Variants in DYNC2H1 observed in about 807,000 individuals in gnomAD.
DYNC2H1 encodes dynein cytoplasmic 2 heavy chain 1, also known as cytoplasmic dynein 2 heavy chain 1.
A neutral mutation model predicts 570.0 loss-of-function variants in DYNC2H1; 410 were observed. The observed-to-expected ratio is 0.72, with a 90% CI of 0.66 to 0.78. DYNC2H1 has a LOEUF of 0.78. DYNC2H1 is among the 30% of genes least tolerant of loss of function. The pLI, the probability that DYNC2H1 is intolerant of heterozygous loss-of-function variation, is 0.00. For missense variants in DYNC2H1, 4,865 were observed against 5,046.4 expected, an observed-to-expected ratio of 0.96 and a Z score of 1.09; for synonymous variants, 1,688 against 1,677.6, an observed-to-expected ratio of 1.01 and a Z score of -0.15.
At chr11:103,383,535 G>A (rs1162782015) in intron 83 of DYNC2H1, among the ~76,000 whole-genome samples, 4 of 151,190 alleles carry the variant, frequency 2.6e-5, no homozygotes, top group African/African-American at 4.9e-5. Flanking sequence ...GTGCAGTGGC[G>A]CAATCTTGGC....
intron 70 of DYNC2H1, among the ~76,000 whole-genome samples, chr11:103,266,098 G>T (rs11225637): frequency 6.8e-6 from 1 of 147,932 alleles, no homozygotes; most frequent in African/African-American, 2.6e-5. Flanking sequence ...GGGGCAAGGC[G>T]CTCTGTGACC....
chr11:103,356,025 T>C lies in DYNC2H1; in HGVS notation c.12040-2218T>C, dbSNP rs562409243. Reference sequence around the variant, plus strand: ...GTGCCTGGCTCCTTTGCAATTCTTATAGATCTCCCAAAGCATGCCAGTAGC... The same window carrying C: ...GTGCCTGGCTCCTTTGCAATTCTTACAGATCTCCCAAAGCATGCCAGTAGC... On this transcript the variant is annotated intron_variant, in intron 82 of 88. Coordinates refer to ENST00000375735, the MANE Select transcript of DYNC2H1 (RefSeq NM_001377.3). 5.9e-5 allele frequency among the ~76,000 whole-genome samples: 9 copies of C among 152,270 alleles called. No individual in the cohort carries two copies. The East Asian group carries it at 1.4e-3, about 23-fold the overall frequency.
In DYNC2H1 at chr11:103,289,386, C is replaced by T. The variant is rs1298855659; in HGVS notation, c.11095+1781C>T. Among the ~76,000 whole-genome samples, 1 of 152,174 alleles carries T rather than the reference C, an allele frequency of 6.6e-6. No homozygotes were observed. The highest frequency in any genetic ancestry group is 1.5e-5 in the Non-Finnish European group (1 of 68,042). ...TCCCAAGGATAGTTCAGCCTACATG[C>T]AGGAATGAACAAGGTCAGCTTAAAG... is the stretch of plus-strand genomic sequence containing the variant. On this transcript the variant is annotated intron_variant, in intron 75 of 88. Transcript: ENST00000375735. The surrounding 1 kb of genome is among the most constrained non-coding windows in gnomAD (Gnocchi z 4.2).
chr11:103,272,797 A>G (rs750817399), intron 70 of DYNC2H1, among the ~76,000 whole-genome samples: 9 of 152,048 alleles, frequency 5.9e-5, no homozygotes, highest in Non-Finnish European at 1.3e-4. Flanking sequence ...GATTTAATGT[A>G]TGGGAGGTGT....
intron 84 of DYNC2H1, among the ~76,000 whole-genome samples, chr11:103,419,323 C>A (rs1943400174): frequency 6.6e-6 from 1 of 152,186 alleles, no homozygotes; most frequent in Non-Finnish European, 1.5e-5. Flanking sequence ...GATCCCATTC[C>A]TCCTGACTGG....
intron 76 of DYNC2H1, 151 bp from the exon 77 acceptor site, chr11:103,304,444 A>T: frequency 1.2e-6 from 1 of 864,116 alleles, no homozygotes; most frequent in South Asian, 2.9e-5. Context: ...ATGAAGATTA[A>T]TTTCTGGTAT....
intron 18 of DYNC2H1, among the ~76,000 whole-genome samples, chr11:103,144,100 T>A (rs979281048): frequency 6.6e-6 from 1 of 152,206 alleles, no homozygotes; most frequent in Non-Finnish European, 1.5e-5. Flanking sequence ...AATTGCTTAT[T>A]CTCTGGTAGT....
intron 83 of DYNC2H1, among the ~76,000 whole-genome samples, chr11:103,390,758 GT>G (rs1280744327): frequency 1.3e-5 from 2 of 152,266 alleles, no homozygotes; most frequent in East Asian, 3.9e-4. Flanking sequence ...CACTTAGGAA[GT>G]TTAGTTTGGC....
At chr11:103,378,267 A>T (rs368227596) in intron 83 of DYNC2H1, among the ~76,000 whole-genome samples, 25 of 152,304 alleles carry the variant, frequency 1.6e-4, no homozygotes, top group African/African-American at 5.8e-4. Flanking sequence ...TTATTTGTTA[A>T]TGTCATGCTA....
chr11:103,446,478 C>T lies in DYNC2H1; in HGVS notation c.12457-8708C>T, dbSNP rs1014355543. On this transcript the variant is annotated intron_variant, in intron 85 of 88. Transcript: ENST00000375735. This position sits in a 1 kb window ranked among gnomAD's most constrained non-coding sequence, Gnocchi z 4.5. ...AAATCATGTTTGGCAACATGGAAGA[C>T]GTTGGTGATCTTGAGGAGATGTTTT... Among the ~76,000 whole-genome samples the T allele has an allele frequency of 2.6e-5, 4 of 152,080 alleles. No individual in the cohort carries two copies. The highest frequency in any genetic ancestry group is 1.3e-4 in the Admixed American group (2 of 15,270).
chr11:103,273,711 GC>G (rs940538534), intron 70 of DYNC2H1, among the ~76,000 whole-genome samples: 1 of 152,038 alleles, frequency 6.6e-6, no homozygotes, highest in African/African-American at 2.4e-5. Context: ...AGCTTTCTTT[GC>G]CATTTCCAGC....
chr11:103,420,920 GAC>G (rs1182793831), intron 84 of DYNC2H1, among the ~76,000 whole-genome samples: 1 of 152,180 alleles, frequency 6.6e-6, no homozygotes, highest in African/African-American at 2.4e-5. Flanking sequence ...CCAATTAAAA[GAC>G]ACAGAGTGGC....
intron 83 of DYNC2H1, among the ~76,000 whole-genome samples, chr11:103,373,269 G>T (rs780941389): frequency 2.0e-5 from 3 of 152,014 alleles, no homozygotes; most frequent in Admixed American, 6.6e-5. Flanking sequence ...TTGGTAGATT[G>T]TATGTGTCTA....
intron 53 of DYNC2H1, 143 bp downstream of exon 53, chr11:103,210,103 AC>A: frequency 9.6e-7 from 1 of 1,040,652 alleles, no homozygotes; most frequent in East Asian, 3.7e-5. Flanking sequence ...TCTGATGCAA[AC>A]AAAATTTTGA....
At chr11:103,150,760 A>G (rs956305597) in intron 20 of DYNC2H1, among the ~76,000 whole-genome samples, 2 of 152,178 alleles carry the variant, frequency 1.3e-5, no homozygotes, top group Non-Finnish European at 2.9e-5. Context: ...TAGGATGAGG[A>G]GCAAAGGACA....
intron 84 of DYNC2H1, among the ~76,000 whole-genome samples, chr11:103,428,768 G>A (rs1943775588): frequency 6.6e-6 from 1 of 152,032 alleles, no homozygotes; most frequent in Admixed American, 6.6e-5. Flanking sequence ...ATCTCACTGT[G>A]TATAACGTCC....
intron 47 of DYNC2H1, among the ~76,000 whole-genome samples, chr11:103,193,689 A>T (rs1862407583): frequency 6.6e-6 from 1 of 151,676 alleles, no homozygotes; most frequent in Admixed American, 6.6e-5. Context: ...TATTACAGGC[A>T]TGTGCCACCA....
chr11:103,385,271 T>G (rs976098732), intron 83 of DYNC2H1, among the ~76,000 whole-genome samples: 1 of 152,134 alleles, frequency 6.6e-6, no homozygotes, highest in Admixed American at 6.6e-5. Flanking sequence ...TACTTCACTA[T>G]CTCTCTTTTC....
At chr11:103,478,376 C>A (rs1481897510) in intron 88 of DYNC2H1, among the ~76,000 whole-genome samples, 2 of 152,084 alleles carry the variant, frequency 1.3e-5, no homozygotes, top group African/African-American at 4.8e-5. Flanking sequence ...CCTTGTGTAA[C>A]CTTGAATGAA....
Sources: gnomAD v4.1 joint callset for allele counts (sites outside exome capture counted in the v4.1 genomes callset) on GRCh38, gnomAD v4.1.1 for gene constraint, Gnocchi (gnomAD v3.1) non-coding constraint, MANE v1.5 for transcripts, NCBI Gene and HGNC (gene_info 2026-07-23, HGNC 2026-07-21) for gene names.